The following PCDH15 variants were observed in gnomAD, a reference collection of about 807,000 sequenced individuals.
The protein encoded by PCDH15 is protocadherin related 15, also known as protocadherin-15.
A neutral mutation model predicts 178.5 loss-of-function variants in PCDH15; 129 were observed. The observed-to-expected ratio is 0.72, with a 90% CI of 0.63 to 0.84. PCDH15 has a LOEUF of 0.84. Ranked by LOEUF, PCDH15 falls within the 40% of genes least tolerant of loss-of-function variation. The pLI is 0.00. For missense variants in PCDH15, 2,230 were observed against 2,099.9 expected, an observed-to-expected ratio of 1.06 and a Z score of -1.21; for synonymous variants, 800 against 732.0, an observed-to-expected ratio of 1.09 and a Z score of -1.50.
At chr10:55,271,772 A>C (rs1432195576) in intron 1 of PCDH15, among the ~76,000 whole-genome samples, 1 of 152,022 alleles carries the variant, frequency 6.6e-6, no homozygotes, top group Non-Finnish European at 1.5e-5. Context: ...CTTTTTCTAA[A>C]GCTCAGACCT....
chr10:54,579,599 C>A (rs900347912), intron 2 of PCDH15, among the ~76,000 whole-genome samples: 2 of 151,918 alleles, frequency 1.3e-5, no homozygotes, highest in Non-Finnish European at 2.9e-5. Flanking sequence ...ACAAAATAAT[C>A]CTGGACTTAA....
At position 54,979,986 on chromosome 10, in the gene PCDH15, T is replaced by G. The variant is rs531950107; in HGVS notation, c.-79-82486A>C. On this transcript the variant is annotated intron_variant, in intron 2 of 5. Transcript: ENST00000458638. ...TGTCTTCAATAATAGTGACAATATT[T>G]TGTAGTATATTTAACATTTGTGAAC... 2.6e-5 allele frequency among the ~76,000 whole-genome samples: 4 copies of G among 152,284 alleles called. No homozygotes were observed. The East Asian group carries it at 7.7e-4, about 29-fold the overall frequency.
chr10:55,350,988 C>T (rs1844913527), intron 2 of PCDH15, among the ~76,000 whole-genome samples: 1 of 129,472 alleles, frequency 7.7e-6, no homozygotes, highest in African/African-American at 3.2e-5. Context: ...TCCTCTTCCT[C>T]CTCCCCCTGT....
chr10:55,603,262 G>A (rs536794723), intron 2 of PCDH15, among the ~76,000 whole-genome samples: 35 of 151,384 alleles, frequency 2.3e-4, no homozygotes, highest in Middle Eastern at 6.8e-3. Flanking sequence ...CCAAATCTAC[G>A]TCTGATTGGT....
chr10:54,129,040 A>G (rs1335579704), intron 15 of PCDH15, among the ~76,000 whole-genome samples: 1 of 152,198 alleles, frequency 6.6e-6, no homozygotes, highest in Non-Finnish European at 1.5e-5. Flanking sequence ...TGATTTATTA[A>G]TCAAAGGGAG....
chr10:55,189,148 G>A (rs745725907), intron 1 of PCDH15, among the ~76,000 whole-genome samples: 1 of 151,680 alleles, frequency 6.6e-6, no homozygotes, highest in Non-Finnish European at 1.5e-5. Flanking sequence ...CAACAAGGGC[G>A]CTCCAATTCT....
At chr10:54,161,663 C>CT (rs895258493) in intron 13 of PCDH15, among the ~76,000 whole-genome samples, 4 of 149,634 alleles carry the variant, frequency 2.7e-5, no homozygotes, top group Non-Finnish European at 4.4e-5. Context: ...CCTCAGGACA[C>CT]TAACCCTCAA....
chr10:54,202,808 AC>A (rs2050381138), intron 10 of PCDH15, among the ~76,000 whole-genome samples: 1 of 54,732 alleles, frequency 1.8e-5, no homozygotes, highest in Non-Finnish European at 3.5e-5. Context: ...GCGAAACCCC[AC>A]CTCAAAAAAA....
At chr10:54,973,545 A>G (rs1018919489) in intron 2 of PCDH15, among the ~76,000 whole-genome samples, 1 of 152,198 alleles carries the variant, frequency 6.6e-6, no homozygotes, top group African/African-American at 2.4e-5. Context: ...TGCCCTAATC[A>G]TGCCTGCTTG....
At chr10:55,323,372 T>A (rs559367958), upstream of PCDH15, among the ~76,000 whole-genome samples, 1 of 152,274 alleles carries the variant, frequency 6.6e-6, no homozygotes, top group South Asian at 2.1e-4. Flanking sequence ...AACCCCAGAA[T>A]GGTAGATCCA....
intron 2 of PCDH15, among the ~76,000 whole-genome samples, chr10:55,520,523 GTA>G (rs149714731): frequency 1.6e-4 from 23 of 145,448 alleles, no homozygotes; most frequent in African/African-American, 4.3e-4. Context: ...GTGTGTGTGT[GTA>G]TATATATATG....
chr10:55,051,938 T>C (rs1841172336), intron 2 of PCDH15, among the ~76,000 whole-genome samples: 1 of 152,112 alleles, frequency 6.6e-6, no homozygotes, highest in Non-Finnish European at 1.5e-5. Flanking sequence ...TCACTCAGCC[T>C]GCTTCAGAGA....
Position 54,991,475 on chromosome 10 carries a change from C to G in PCDH15, c.-79-93975G>C, listed in dbSNP as rs142444253. Among the ~76,000 whole-genome samples, 3 of 152,198 alleles carry G rather than the reference C, an allele frequency of 2.0e-5. No individual in the cohort carries two copies. In the East Asian group the frequency reaches 5.8e-4, roughly 29 times the overall value. ...TCAATAAAAAGTAAATAGACATAAA[C>G]TTGAAACTGAAAACCATCTTGGCCT... On this transcript the variant is annotated intron_variant, in intron 2 of 5. Coordinates refer to the PCDH15 transcript ENST00000458638.
chr10:53,904,646 G>T (rs899679606), intron 25 of PCDH15, among the ~76,000 whole-genome samples: 1 of 152,032 alleles, frequency 6.6e-6, no homozygotes, highest in African/African-American at 2.4e-5. Flanking sequence ...AACCAACAGC[G>T]AAATAGGGCT....
chr10:54,989,927 A>G (rs1839460119), intron 2 of PCDH15, among the ~76,000 whole-genome samples: 1 of 152,094 alleles, frequency 6.6e-6, no homozygotes, highest in Non-Finnish European at 1.5e-5. Context: ...TGCTGTTCTC[A>G]TGATGGAGGA....
intron 7 of PCDH15, among the ~76,000 whole-genome samples, chr10:54,324,623 T>A (rs1418371): frequency 1.3e-5 from 2 of 151,710 alleles, no homozygotes; most frequent in African/African-American, 2.4e-5. Context: ...AAAAATTAGC[T>A]GGGAGTGGTG....
intron 2 of PCDH15, among the ~76,000 whole-genome samples, chr10:55,363,219 T>TTGATATTCA (rs1845271968): frequency 6.6e-6 from 1 of 152,200 alleles, no homozygotes; most frequent in Non-Finnish European, 1.5e-5. Flanking sequence ...CATTCTTACA[T>TTGATATTCA]GTATCAATTT....
Position 53,903,355 on chromosome 10 carries a change from A to G in PCDH15, c.3389T>C (p.Val1130Ala), listed in dbSNP as rs1260499149. 1.2e-6 allele frequency: 2 copies of G among 1,612,918 alleles called. No individual in the cohort carries two copies. The highest frequency in any genetic ancestry group is 3.3e-5 in the Admixed American group (2 of 60,010). Residue 1130 changes from valine (V) to alanine (A), a missense_variant, in exon 26 of 38, where the codon GTA (valine) becomes GCA (alanine). Physicochemically the swap from Val to Ala is moderately conservative, Grantham distance 64. Coordinates refer to ENST00000644397, the MANE Select transcript of PCDH15 (RefSeq NM_001384140.1). ...RVPSKSNTAK[V>A]YIEIQDENNH... ...ATTTTCATCCTGAATCTCAATGTAT[A>G]CTTTAGCTGTATTGCCTGGAGGACA...
intron 27 of PCDH15, 134 bp downstream of exon 27, chr10:53,866,508 C>A (rs754099347): frequency 2.7e-5 from 17 of 630,756 alleles, no homozygotes; most frequent in Non-Finnish European, 4.1e-5. Flanking sequence ...TAGTGACTAA[C>A]AATCTGAGTG....
Sources: gnomAD v4.1 joint callset for allele counts (sites outside exome capture counted in the v4.1 genomes callset) on GRCh38, gnomAD v4.1.1 for gene constraint, MANE v1.5 for transcripts, NCBI Gene and HGNC (gene_info 2026-07-23, HGNC 2026-07-21) for gene names.